Variants in CCDC60 observed in about 807,000 individuals in gnomAD.
The protein encoded by CCDC60 is coiled-coil domain containing 60.
A neutral mutation model predicts 63.5 loss-of-function variants in CCDC60; 54 were observed. The ratio of observed to expected loss-of-function variants is 0.85; its 90% CI spans 0.68 to 1.07. The LOEUF is 1.07. Ranked by LOEUF, CCDC60 falls within the 50% of genes least tolerant of loss-of-function variation. CCDC60 has a pLI of 0.00. For synonymous variants in CCDC60, 206 were observed against 238.8 expected, an observed-to-expected ratio of 0.86 and a Z score of 1.27; for missense variants, 651 against 684.3, an observed-to-expected ratio of 0.95 and a Z score of 0.54.
intron 1 of CCDC60, among the ~76,000 whole-genome samples, chr12:119,407,251 A>G (rs923316847): frequency 4.6e-5 from 7 of 152,140 alleles, no homozygotes; most frequent in African/African-American, 1.7e-4. Flanking sequence ...TCACACCTAT[A>G]ATCCCAGCAC....
intron 1 of CCDC60, among the ~76,000 whole-genome samples, chr12:119,360,576 G>C (rs1955774875): frequency 6.6e-6 from 1 of 151,472 alleles, no homozygotes. Context: ...CCCAGACGGG[G>C]TGGCGGCCGG....
In CCDC60 at chr12:119,475,439, T is replaced by A. The variant is rs1333662994; in HGVS notation, c.341+3275T>A. 2.6e-5 allele frequency among the ~76,000 whole-genome samples: 4 copies of A among 152,346 alleles called. No individual in the cohort carries two copies. The East Asian group carries it at 7.7e-4, about 29-fold the overall frequency. On this transcript the variant is annotated intron_variant, in intron 3 of 13. Coordinates refer to ENST00000327554, the MANE Select transcript of CCDC60 (RefSeq NM_178499.5). ...ATGATTTATTTAAAGTTTAATAAGTTTAAATATGCATGAGATCGCTCCTCT... is the reference window on the plus strand; with the variant it reads ...ATGATTTATTTAAAGTTTAATAAGTATAAATATGCATGAGATCGCTCCTCT...
intron 2 of CCDC60, among the ~76,000 whole-genome samples, chr12:119,469,965 G>C (rs865833056): frequency 6.6e-6 from 1 of 152,162 alleles, no homozygotes; most frequent in African/African-American, 2.4e-5. Flanking sequence ...GCATTTTTAC[G>C]TACAGTCCAA....
At position 119,523,756 on chromosome 12, in the gene CCDC60, G is replaced by A. The variant is rs780931543; in HGVS notation, c.1167G>A (p.Lys389=). Residue 389 remains lysine (K), a synonymous_variant, in exon 11 of 14, where the codon AAG becomes AAA. Transcript: ENST00000327554. ...KSGVCNTMRA[K]FYSVAQEAGF... ...GGGTGTGTAACACCATGAGGGCCAA[G>A]TTTTACAGCGTAGCCCAGGAGGCTG... 2 of 1,614,106 alleles carry A rather than the reference G, an allele frequency of 1.2e-6. No individual in the cohort carries two copies. The highest frequency in any genetic ancestry group is 2.2e-5 in the South Asian group (2 of 91,092).
intron 2 of CCDC60, among the ~76,000 whole-genome samples, chr12:119,436,642 G>A (rs990533443): frequency 2.6e-5 from 4 of 151,230 alleles, no homozygotes; most frequent in South Asian, 2.1e-4. Context: ...GGGTTCAAGC[G>A]ATTCTCCTGC....
At chr12:119,482,083 CATATAT>C (rs143208719) in intron 4 of CCDC60, among the ~76,000 whole-genome samples, 1 of 137,010 alleles carries the variant, frequency 7.3e-6, no homozygotes, top group African/African-American at 2.7e-5. Flanking sequence ...ACTACTCATC[CATATAT>C]ATATATATAC....
chr12:119,522,994 T>C lies in CCDC60; in HGVS notation c.1096T>C (p.Ser366Pro), dbSNP rs1952571416. 1 of 1,613,748 alleles carries C rather than the reference T, an allele frequency of 6.2e-7. No individual in the cohort carries two copies. The highest frequency in any genetic ancestry group is 8.5e-7 in the Non-Finnish European group (1 of 1,179,874). Residue 366 changes from serine to proline, a missense_variant, in exon 10 of 14, where the codon TCT (serine) becomes CCT (proline). By Grantham distance (74) the Ser-to-Pro change is moderately conservative. Coordinates refer to ENST00000327554, the MANE Select transcript of CCDC60 (RefSeq NM_178499.5). ...ESHIQPVQKK[S>P]KNRTNCDINI... Reference sequence around the variant, plus strand: ...CCACATCCAACCAGTCCAGAAGAAGTCTAAAAAGTAAGCCAGGAGGGCAAT... The same window carrying C: ...CCACATCCAACCAGTCCAGAAGAAGCCTAAAAAGTAAGCCAGGAGGGCAAT...
intron 7 of CCDC60, among the ~76,000 whole-genome samples, chr12:119,507,598 A>ATTTT (rs1566050662): frequency 5.2e-5 from 1 of 19,090 alleles, no homozygotes; most frequent in Non-Finnish European, 7.7e-5. Context: ...ATACATATAT[A>ATTTT]TATATATATA....
At position 119,495,160 on chromosome 12, in the gene CCDC60, A is replaced by G. The variant is rs144320086; in HGVS notation, c.558-4918A>G. Among the ~76,000 whole-genome samples, 117 of 152,334 alleles carry G rather than the reference A, an allele frequency of 7.7e-4. 2 individuals are homozygous for G. In the East Asian group the frequency reaches 0.019, roughly 25 times the overall value. Reference sequence around the variant, plus strand: ...ATTTGCTCAAAGTTGCACAGCTAGCAAAAGGTAAGGCAGGATTCGAACCCA... The same window carrying G: ...ATTTGCTCAAAGTTGCACAGCTAGCGAAAGGTAAGGCAGGATTCGAACCCA... On this transcript the variant is annotated intron_variant, in intron 5 of 13. Transcript: ENST00000327554.
At chr12:119,471,088 TCTC>T (rs1939572615) in intron 2 of CCDC60, among the ~76,000 whole-genome samples, 1 of 152,146 alleles carries the variant, frequency 6.6e-6, no homozygotes, top group African/African-American at 2.4e-5. Context: ...CATCACTCCT[TCTC>T]CACCACAGGG....
chr12:119,431,826 C>T (rs1469313926), intron 2 of CCDC60, among the ~76,000 whole-genome samples: 1 of 152,084 alleles, frequency 6.6e-6, no homozygotes, highest in Non-Finnish European at 1.5e-5. Context: ...CTACAGGAGC[C>T]CACCACCACG....
intron 13 of CCDC60, among the ~76,000 whole-genome samples, chr12:119,532,976 C>T (rs1240207513): frequency 6.6e-6 from 1 of 152,142 alleles, no homozygotes; most frequent in African/African-American, 2.4e-5. Flanking sequence ...GGCTCTAGAT[C>T]CTTGAGGAAT....
intron 5 of CCDC60, among the ~76,000 whole-genome samples, chr12:119,491,463 G>A (rs565595885): frequency 1.3e-5 from 2 of 152,176 alleles, no homozygotes; most frequent in Admixed American, 1.3e-4. Flanking sequence ...TGAGCAGCTG[G>A]GACTACAGGT....
intron 4 of CCDC60, among the ~76,000 whole-genome samples, chr12:119,483,321 G>T (rs889579121): frequency 6.6e-6 from 1 of 152,212 alleles, no homozygotes; most frequent in Non-Finnish European, 1.5e-5. Context: ...ATCAGAGCCT[G>T]GTCAGTCCCT....
At chr12:119,432,821 G>T (rs1950254798) in intron 2 of CCDC60, among the ~76,000 whole-genome samples, 1 of 152,136 alleles carries the variant, frequency 6.6e-6, no homozygotes, top group Non-Finnish European at 1.5e-5. Context: ...GTTAAACACA[G>T]CTATTATTAG....
intron 1 of CCDC60, among the ~76,000 whole-genome samples, chr12:119,344,838 C>CTG (rs1374305243): frequency 9.9e-6 from 1 of 100,548 alleles, no homozygotes; most frequent in African/African-American, 3.8e-5. Flanking sequence ...CTCTCTCTTT[C>CTG]TCTCTCTCTC....
At chr12:119,348,844 T>C (rs1194617091) in intron 1 of CCDC60, among the ~76,000 whole-genome samples, 1 of 152,238 alleles carries the variant, frequency 6.6e-6, no homozygotes, top group Non-Finnish European at 1.5e-5. Context: ...AGGTATATTT[T>C]TGTATTCTCC....
chr12:119,361,134 G>A (rs1231625513), intron 1 of CCDC60, among the ~76,000 whole-genome samples: 1 of 150,106 alleles, frequency 6.7e-6, no homozygotes, highest in Non-Finnish European at 1.5e-5. Context: ...TGGAAAGAGA[G>A]GGAGAGGGAG....
At chr12:119,422,585 CTCACAAGAAA>C (rs1282571579) in intron 1 of CCDC60, among the ~76,000 whole-genome samples, 4 of 152,102 alleles carry the variant, frequency 2.6e-5, no homozygotes, top group Non-Finnish European at 5.9e-5. Context: ...ACAACCAGAT[CTCACAAGAAA>C]TCACTATTGA....
Sources: gnomAD v4.1 joint callset for allele counts (sites outside exome capture counted in the v4.1 genomes callset) on GRCh38, gnomAD v4.1.1 for gene constraint, MANE v1.5 for transcripts, NCBI Gene and HGNC (gene_info 2026-07-23, HGNC 2026-07-21) for gene names.